The following MIPOL1 variants were observed in gnomAD, a reference collection of about 807,000 sequenced individuals.
The protein encoded by MIPOL1 is mirror-image polydactyly gene 1 protein.
A neutral mutation model predicts 60.9 loss-of-function variants in MIPOL1; 57 were observed. That is an observed-to-expected ratio of 0.94 (90% confidence interval 0.76 to 1.17). MIPOL1 has a LOEUF of 1.17. Among genes scored for constraint, MIPOL1 ranks in the 50% most tolerant of loss-of-function variants. MIPOL1 has a pLI of 0.00. For synonymous variants in MIPOL1, 179 were observed against 168.8 expected, an observed-to-expected ratio of 1.06 and a Z score of -0.47; for missense variants, 551 against 511.6, an observed-to-expected ratio of 1.08 and a Z score of -0.74.
intron 9 of MIPOL1, among the ~76,000 whole-genome samples, chr14:37,355,763 G>C (rs962572836): frequency 2.0e-5 from 3 of 150,136 alleles, no homozygotes; most frequent in East Asian, 2.0e-4. Context: ...TCCATCAGCT[G>C]CTTTAAGCAC....
chr14:37,237,163 C>G (rs1397147972), intron 1 of MIPOL1, among the ~76,000 whole-genome samples: 1 of 152,132 alleles, frequency 6.6e-6, no homozygotes, highest in Non-Finnish European at 1.5e-5. Context: ...GCAGCCTGTA[C>G]AAGCAGTACC....
chr14:37,464,813 G>A (rs2094579480), intron 11 of MIPOL1, among the ~76,000 whole-genome samples: 1 of 152,158 alleles, frequency 6.6e-6, no homozygotes, highest in African/African-American at 2.4e-5. Flanking sequence ...ATAAGCAATT[G>A]TGTTTCAGTG....
intron 9 of MIPOL1, among the ~76,000 whole-genome samples, chr14:37,351,170 G>C (rs555435438): frequency 6.9e-5 from 10 of 144,688 alleles, no homozygotes; most frequent in Non-Finnish European, 1.2e-4. Flanking sequence ...TTGGTTTTTT[G>C]TTCTTGCGAT....
chr14:37,288,863 G>A (rs942994333), intron 7 of MIPOL1, among the ~76,000 whole-genome samples: 1 of 151,824 alleles, frequency 6.6e-6, no homozygotes, highest in African/African-American at 2.4e-5. Context: ...TTGCAGTCTC[G>A]TTTTCATTCT....
At chr14:37,535,470 C>G (rs1010057933) in intron 12 of MIPOL1, among the ~76,000 whole-genome samples, 14 of 152,000 alleles carry the variant, frequency 9.2e-5, no homozygotes, top group Admixed American at 5.9e-4. Context: ...ATAAAATGAC[C>G]CAGGAATTGT....
chr14:37,526,801 T>G, intron 12 of MIPOL1, among the ~76,000 whole-genome samples: 1 of 152,114 alleles, frequency 6.6e-6, no homozygotes, highest in East Asian at 1.9e-4. Flanking sequence ...AATGAACATT[T>G]TGAGGTTCAA....
intron 9 of MIPOL1, among the ~76,000 whole-genome samples, chr14:37,360,253 T>G (rs2092146909): frequency 6.6e-6 from 1 of 152,208 alleles, no homozygotes; most frequent in Non-Finnish European, 1.5e-5. Context: ...CGCATCCATA[T>G]TGATCAGGGA....
At chr14:37,283,418 CTAT>C (rs2084291907) in intron 6 of MIPOL1, among the ~76,000 whole-genome samples, 1 of 152,178 alleles carries the variant, frequency 6.6e-6, no homozygotes, top group Non-Finnish European at 1.5e-5. Context: ...TTTTGATAAA[CTAT>C]TATTAATATA....
At chr14:37,408,204 A>G (rs143116267) in intron 10 of MIPOL1, among the ~76,000 whole-genome samples, 1 of 152,202 alleles carries the variant, frequency 6.6e-6, no homozygotes, top group Non-Finnish European at 1.5e-5. Flanking sequence ...ATGTTAAGAG[A>G]AAACAATATT....
At chr14:37,481,972 C>T (rs2094877837) in intron 11 of MIPOL1, among the ~76,000 whole-genome samples, 1 of 151,936 alleles carries the variant, frequency 6.6e-6, no homozygotes, top group Non-Finnish European at 1.5e-5. Context: ...AGGCCAGAAA[C>T]TATAAAACTA....
Position 37,247,897 on chromosome 14 carries a change from C to T in MIPOL1, c.9C>T (p.Asn3=). 1 of 1,613,044 alleles carries T rather than the reference C, an allele frequency of 6.2e-7. No homozygotes were observed. Among genetic ancestry groups the T allele is most frequent in the African/African-American group, 1.3e-5 (1 of 74,936 alleles). The change falls in exon 3 of 13, where the codon AAC becomes AAT. Residue 3 remains asparagine, a synonymous_variant. Transcript: ENST00000684589. ...CAAGAACAGAAATACAAATGGAGAACTGGTCAAAAGGTAAGGACTTTTAAG... is the reference window on the plus strand; with the variant it reads ...CAAGAACAGAAATACAAATGGAGAATTGGTCAAAAGGTAAGGACTTTTAAG... The part of the protein sequence containing the change: ME[N]WSKDITHSYL...
chr14:37,361,601 C>T (rs1566430978), intron 9 of MIPOL1, among the ~76,000 whole-genome samples: 1 of 132,200 alleles, frequency 7.6e-6, no homozygotes, highest in East Asian at 2.4e-4. Context: ...TTTGTTTCTC[C>T]CTCTCTCTCT....
chr14:37,501,621 C>A (rs888841573), intron 12 of MIPOL1: 1 of 152,016 alleles, frequency 6.6e-6, no homozygotes, highest in African/African-American at 2.4e-5. Flanking sequence ...AATAACTTTA[C>A]TGAATGGCCA....
chr14:37,473,194 A>G (rs1381409199), intron 11 of MIPOL1, among the ~76,000 whole-genome samples: 2 of 152,084 alleles, frequency 1.3e-5, no homozygotes, highest in Non-Finnish European at 2.9e-5. Context: ...TCGATTAAAG[A>G]TAGTTGTTAA....
In MIPOL1 at chr14:37,287,881, A is replaced by G. The variant is rs1259221950; in HGVS notation, c.623+2434A>G. On this transcript the variant is annotated intron_variant, in intron 7 of 12. Transcript: ENST00000684589. The stretch of plus-strand genomic sequence containing the variant: ...TGGACTCAAGCAATCTGCCTGCCTC[A>G]GCCTCCCAAAGTGTTAGAATTACAG... Among the ~76,000 whole-genome samples, 4 of 151,602 alleles carry G rather than the reference A, an allele frequency of 2.6e-5. No individual in the cohort carries two copies. In the East Asian group the frequency reaches 7.9e-4, roughly 30 times the overall value.
chr14:37,358,696 T>C (rs531118884), intron 9 of MIPOL1, among the ~76,000 whole-genome samples: 12 of 152,318 alleles, frequency 7.9e-5, no homozygotes, highest in African/African-American at 2.9e-4. Context: ...CTTTTTCTTG[T>C]AAATTTGTTA....
intron 1 of MIPOL1, chr14:37,240,707 C>T (rs1004097225): frequency 6.6e-6 from 1 of 152,106 alleles, no homozygotes; most frequent in Non-Finnish European, 1.5e-5. Flanking sequence ...ACTAGTTTTA[C>T]AATTTTGCTT....
intron 10 of MIPOL1, among the ~76,000 whole-genome samples, chr14:37,411,934 T>G (rs953114075): frequency 6.6e-6 from 1 of 152,126 alleles, no homozygotes; most frequent in African/African-American, 2.4e-5. Flanking sequence ...CATATTCACT[T>G]TGATATGGCT....
chr14:37,214,941 CA>C lies in MIPOL1; in HGVS notation c.-199+16838del, dbSNP rs530362227. ...CCACCATCTCTTGTGGAGGGCCTGACATCAGTCAGGCCCACCCGCAGTTATC... is the reference window on the plus strand; with the variant it reads ...CCACCATCTCTTGTGGAGGGCCTGACTCAGTCAGGCCCACCCGCAGTTATC... On this transcript the variant is annotated intron_variant, in intron 1 of 12. Coordinates refer to ENST00000684589, the MANE Select transcript of MIPOL1 (RefSeq NM_001388067.1). 1.9e-3 allele frequency among the ~76,000 whole-genome samples: 282 copies of C among 152,092 alleles called. 1 individual carries two copies. Among genetic ancestry groups the C allele is most frequent in the African/African-American group, 6.2e-3 (256 of 41,532 alleles).
Sources: allele counts gnomAD v4.1 joint callset (sites outside exome capture counted in the v4.1 genomes callset), GRCh38; gene constraint gnomAD v4.1.1; transcripts MANE v1.5; gene names NCBI Gene and HGNC (gene_info 2026-07-23, HGNC 2026-07-21).